Variants in SH3KBP1 observed in about 807,000 individuals in gnomAD.
SH3KBP1 encodes SH3 domain containing kinase binding protein 1, also known as SH3 domain-containing kinase-binding protein 1.
Under a neutral mutation model 50.1 loss-of-function variants are expected in SH3KBP1, and 8 were observed. The observed-to-expected ratio is 0.16, with a 90% CI of 0.09 to 0.29. The LOEUF is 0.29. Ranked by LOEUF, SH3KBP1 falls within the 10% of genes least tolerant of loss-of-function variation. The probability of loss-of-function intolerance (pLI) is 1.00; values close to 1 mark genes in which losing one functional copy is unlikely to be tolerated. For missense variants in SH3KBP1, 377 were observed against 535.2 expected, an observed-to-expected ratio of 0.70 and a Z score of 2.92; for synonymous variants, 227 against 218.6, an observed-to-expected ratio of 1.04 and a Z score of -0.34.
Position 19,760,417 on chromosome X carries a change from C to A in SH3KBP1, c.163-13976G>T, listed in dbSNP as rs1366694060. 1.1e-3 allele frequency among the ~76,000 whole-genome samples: 122 copies of A among 107,542 alleles called. 1 individual carries two copies. The highest frequency in any genetic ancestry group is 3.7e-3 in the African/African-American group (108 of 29,512). The allele number at this position is 107,542 out of a possible 115,157, so 93.4% of individuals were successfully genotyped here. A position where few individuals can be genotyped will look rare whatever the true frequency, so the allele number is the denominator to read the frequency against. On this transcript the variant is annotated intron_variant, in intron 2 of 17. Coordinates refer to ENST00000397821, the MANE Select transcript of SH3KBP1 (RefSeq NM_031892.3). ...AAATAAATACATACATACATACATA[C>A]ATACATACATACATACATACATACA...
intron 14 of SH3KBP1, among the ~76,000 whole-genome samples, chrX:19,546,503 C>A (rs141378503): frequency 8.4e-4 from 94 of 112,194 alleles, no homozygotes; most frequent in Middle Eastern, 4.6e-3. Flanking sequence ...CCTCCATTCC[C>A]TCCTCTTCCT....
chrX:19,659,381 C>T (rs1225244248), intron 6 of SH3KBP1, among the ~76,000 whole-genome samples: 1 of 110,480 alleles, frequency 9.1e-6, no homozygotes, highest in East Asian at 2.8e-4. Context: ...TCCCAAAGTG[C>T]TAGGATTACA....
chrX:19,575,542 C>T (rs1405524487), intron 12 of SH3KBP1, among the ~76,000 whole-genome samples: 2 of 111,644 alleles, frequency 1.8e-5, no homozygotes, highest in Non-Finnish European at 3.8e-5. Context: ...GTCTCTCCAA[C>T]TGAGCCCTGA....
At chrX:19,748,913 C>T (rs969485142) in intron 2 of SH3KBP1, among the ~76,000 whole-genome samples, 14 of 111,594 alleles carry the variant, frequency 1.3e-4, no homozygotes, top group Admixed American at 5.7e-4. Flanking sequence ...CTTTCTCAAT[C>T]TGTTTCTTTT....
intron 2 of SH3KBP1, among the ~76,000 whole-genome samples, chrX:19,831,123 A>G (rs2067863470): frequency 8.9e-6 from 1 of 112,535 alleles, no homozygotes; most frequent in South Asian, 3.6e-4. Flanking sequence ...TAAATGAATC[A>G]AGAAAATGTT....
At chrX:19,723,268 T>C (rs1299827452) in intron 3 of SH3KBP1, among the ~76,000 whole-genome samples, 1 of 111,955 alleles carries the variant, frequency 8.9e-6, no homozygotes, top group African/African-American at 3.3e-5. Context: ...TAATGTCCAC[T>C]GCTACATTAG....
intron 6 of SH3KBP1, among the ~76,000 whole-genome samples, chrX:19,669,004 C>A (rs1298202135): frequency 1.3e-5 from 1 of 79,349 alleles, no homozygotes; most frequent in Non-Finnish European, 2.4e-5. Context: ...ACTCTGTCAC[C>A]CAGGCTGGAG....
chrX:19,803,897 G>A (rs997476205), intron 2 of SH3KBP1, among the ~76,000 whole-genome samples: 1 of 112,160 alleles, frequency 8.9e-6, no homozygotes, highest in Admixed American at 9.4e-5. Flanking sequence ...CCCAGGCTGG[G>A]CACAGTGGCT....
intron 12 of SH3KBP1, among the ~76,000 whole-genome samples, chrX:19,584,022 A>C (rs2066467773): frequency 2.1e-5 from 2 of 93,833 alleles, no homozygotes; most frequent in African/African-American, 8.0e-5. Context: ...ATATATTACA[A>C]ATATATGAAT....
At chrX:19,793,094 C>T (rs2066587605) in intron 2 of SH3KBP1, among the ~76,000 whole-genome samples, 1 of 108,833 alleles carries the variant, frequency 9.2e-6, no homozygotes, top group Non-Finnish European at 1.9e-5. Flanking sequence ...CCCAGGAATT[C>T]CAGACCAGCC....
At chrX:19,689,490 A>G (rs1454302310) in intron 5 of SH3KBP1, among the ~76,000 whole-genome samples, 2 of 112,320 alleles carry the variant, frequency 1.8e-5, no homozygotes, top group Non-Finnish European at 3.8e-5. Context: ...TCACTGAGGT[A>G]GACCATGGCT....
intron 7 of SH3KBP1, among the ~76,000 whole-genome samples, chrX:19,642,417 T>C (rs2061880816): frequency 9.0e-6 from 1 of 111,704 alleles, no homozygotes; most frequent in African/African-American, 3.3e-5. Context: ...GGTATGAGTG[T>C]CCAGTTAGGA....
At chrX:19,830,390 A>T (rs769057952) in intron 2 of SH3KBP1, among the ~76,000 whole-genome samples, 1 of 111,073 alleles carries the variant, frequency 9.0e-6, no homozygotes, top group East Asian at 2.8e-4. Flanking sequence ...TATGCATTTT[A>T]CTCTACATAA....
intron 6 of SH3KBP1, chrX:19,670,346 C>A (rs897260711): frequency 2.7e-6 from 2 of 751,634 alleles, no homozygotes; most frequent in African/African-American, 2.3e-5. Flanking sequence ...CTCCAAATGT[C>A]GGTGACCCTC....
chrX:19,536,611 T>C (rs2064716703), intron 17 of SH3KBP1, among the ~76,000 whole-genome samples, 153 bp from the exon 18 acceptor site: 1 of 112,184 alleles, frequency 8.9e-6, no homozygotes, highest in Non-Finnish European at 1.9e-5. Flanking sequence ...TCAACAGCAA[T>C]GCCAGAAGTG....
At chrX:19,563,377 G>A (rs998298250) in intron 13 of SH3KBP1, among the ~76,000 whole-genome samples, 3 of 112,287 alleles carry the variant, frequency 2.7e-5, no homozygotes, top group Non-Finnish European at 5.6e-5. Flanking sequence ...GAGCCTGAGA[G>A]GCTGGGAACC....
chrX:19,599,124 G>A (rs2066998679), intron 9 of SH3KBP1, among the ~76,000 whole-genome samples: 1 of 111,341 alleles, frequency 9.0e-6, no homozygotes, highest in Non-Finnish European at 1.9e-5. Flanking sequence ...ACCTACCCCT[G>A]GACATCTTCC....
At chrX:19,651,370 C>T (rs1211926694) in intron 6 of SH3KBP1, among the ~76,000 whole-genome samples, 2 of 111,015 alleles carry the variant, frequency 1.8e-5, no homozygotes, top group Admixed American at 9.5e-5. Flanking sequence ...AAAAATAAAG[C>T]GTATGGTCCG....
chrX:19,831,262 C>T, intron 2 of SH3KBP1, among the ~76,000 whole-genome samples: 1 of 109,137 alleles, frequency 9.2e-6, no homozygotes, highest in Non-Finnish European at 1.9e-5. Flanking sequence ...ACTAAAAATA[C>T]AAAAATTAGC....
Sources: allele counts gnomAD v4.1 joint callset (sites outside exome capture counted in the v4.1 genomes callset), GRCh38; gene constraint gnomAD v4.1.1; transcripts MANE v1.5; gene names NCBI Gene and HGNC (gene_info 2026-07-23, HGNC 2026-07-21).